Variants in RFX3 observed in about 807,000 individuals in gnomAD.
RFX3 encodes the protein transcription factor RFX3.
A neutral mutation model predicts 98.6 loss-of-function variants in RFX3; 14 were observed. The observed-to-expected ratio is 0.14, with a 90% CI of 0.09 to 0.22. The LOEUF (loss-of-function observed/expected upper bound fraction) is 0.22. Ranked by LOEUF, RFX3 falls within the 10% of genes least tolerant of loss-of-function variation. RFX3 has a pLI of 1.00. For missense variants in RFX3, 639 were observed against 926.9 expected, an observed-to-expected ratio of 0.69 and a Z score of 4.03; for synonymous variants, 383 against 328.4, an observed-to-expected ratio of 1.17 and a Z score of -1.80.
Position 3,297,849 on chromosome 9 carries a change from A to C in RFX3, c.549+3697T>G, listed in dbSNP as rs115493872. Among the ~76,000 whole-genome samples, 1,391 of 151,996 alleles carry C rather than the reference A, an allele frequency of 9.2e-3. 20 individuals carry two copies. The highest frequency in any genetic ancestry group is 0.032 in the African/African-American group (1,326 of 41,520). On this transcript the variant is annotated intron_variant, in intron 5 of 16. Transcript: ENST00000617270. ...AATTTTAAAGAAATGTACAACCTTA[A>C]ATTTCATGCGATTATTGGGAACAAT...
chr9:3,467,165 GTATA>G (rs1346850911), intron 1 of RFX3, among the ~76,000 whole-genome samples: 1 of 119,298 alleles, frequency 8.4e-6, no homozygotes, highest in Non-Finnish European at 1.6e-5. Context: ...ATGTATATAC[GTATA>G]TAATGTATAT....
At chr9:3,388,347 C>T (rs1400494051) in intron 2 of RFX3, among the ~76,000 whole-genome samples, 1 of 152,120 alleles carries the variant, frequency 6.6e-6, no homozygotes, top group Non-Finnish European at 1.5e-5. Context: ...GATTGCCCTT[C>T]TCCTGCAACC....
intron 2 of RFX3, among the ~76,000 whole-genome samples, chr9:3,352,677 C>A (rs992040870): frequency 6.6e-6 from 1 of 151,952 alleles, no homozygotes; most frequent in Non-Finnish European, 1.5e-5. Context: ...GAAAACTTGA[C>A]AAAATATGTA....
chr9:3,469,702 T>G (rs1848603386), intron 1 of RFX3, among the ~76,000 whole-genome samples: 1 of 152,032 alleles, frequency 6.6e-6, no homozygotes, highest in Non-Finnish European at 1.5e-5. Context: ...CAATATAAAT[T>G]CAACCGTACA....
chr9:3,319,997 T>A (rs142015111), intron 4 of RFX3, among the ~76,000 whole-genome samples: 36 of 152,290 alleles, frequency 2.4e-4, no homozygotes, highest in African/African-American at 6.3e-4. Context: ...CTTTCAACAG[T>A]CTAATAAATG....
chr9:3,247,587 A>G lies in RFX3; in HGVS notation c.1968+445T>C, dbSNP rs1820844964. The G allele has an allele frequency of 4.0e-6, 5 of 1,252,030 alleles. No individual in the cohort carries two copies. In the East Asian group the frequency reaches 1.6e-4, roughly 40 times the overall value. The allele number at this position is 1,252,030 out of a possible 1,614,324, so 77.6% of individuals were successfully genotyped here. ...AAGTGTCCAAAAAATGTTAGTTATC[A>G]TCATTACCATTTTTATCCTTCTAAA... On this transcript the variant is annotated intron_variant, in intron 15 of 16. Transcript: ENST00000617270.
At chr9:3,338,704 C>T (rs7861667) in intron 3 of RFX3, among the ~76,000 whole-genome samples, 26,381 of 151,968 alleles carry the variant, frequency 0.17, 2,321 homozygotes, top group Middle Eastern at 0.23. Context: ...ATGCTGCTAG[C>T]CTGGGGAATA....
In RFX3 at chr9:3,466,155, G is replaced by C. The variant is rs531245892; in HGVS notation, c.-9+59592C>G. Among the ~76,000 whole-genome samples the C allele has an allele frequency of 4.6e-5, 7 of 152,254 alleles. No homozygotes were observed. In the East Asian group the frequency reaches 1.3e-3, roughly 29 times the overall value. On this transcript the variant is annotated intron_variant, in intron 1 of 16. Transcript: ENST00000617270. Reference sequence around the variant, plus strand: ...CTTTTTACTCTGTAGCAGGAAAATAGAGTTCTAAAGAACTCATGGCAATTT... The same window carrying C: ...CTTTTTACTCTGTAGCAGGAAAATACAGTTCTAAAGAACTCATGGCAATTT...
intron 4 of RFX3, among the ~76,000 whole-genome samples, chr9:3,325,974 T>C (rs964004067): frequency 6.6e-6 from 1 of 152,166 alleles, no homozygotes; most frequent in East Asian, 1.9e-4. Context: ...TTAATGTCCA[T>C]GTGCTACTGA....
intron 1 of RFX3, among the ~76,000 whole-genome samples, chr9:3,500,725 TAC>T (rs1233774339): frequency 6.6e-6 from 1 of 152,058 alleles, no homozygotes; most frequent in African/African-American, 2.4e-5. Context: ...GCACTACACA[TAC>T]ACACACACTA....
intron 4 of RFX3, among the ~76,000 whole-genome samples, chr9:3,324,939 G>C (rs985529041): frequency 3.9e-5 from 6 of 152,048 alleles, no homozygotes; most frequent in African/African-American, 1.4e-4. Flanking sequence ...ACTCCAGCCT[G>C]GGTGGCAGAG....
chr9:3,249,963 GAATA>G (rs570235612), intron 14 of RFX3, among the ~76,000 whole-genome samples: 5 of 151,852 alleles, frequency 3.3e-5, no homozygotes, highest in African/African-American at 4.8e-5. Context: ...AAAAATAAAT[GAATA>G]CTTTCATTTG....
chr9:3,222,387 G>A lies in RFX3; in HGVS notation c.*2655C>T, dbSNP rs1429667921. On this transcript the variant is annotated 3_prime_UTR_variant, in exon 17 of 17. Coordinates refer to ENST00000617270, the MANE Select transcript of RFX3 (RefSeq NM_001282116.2). ...TAGAACAAACCATGAACAATTGGAA[G>A]AAATGTTGAATCCTGGAGCATCCCC... 6.6e-6 allele frequency: 1 copy of A among 152,120 alleles called. No individual in the cohort carries two copies. The highest frequency in any genetic ancestry group is 1.5e-5 in the Non-Finnish European group (1 of 67,994). The allele number at this position is 152,120 out of a possible 1,614,324, so 9.4% of individuals were successfully genotyped here.
intron 2 of RFX3, among the ~76,000 whole-genome samples, chr9:3,359,122 A>C (rs1836120631): frequency 6.6e-6 from 1 of 151,958 alleles, no homozygotes; most frequent in African/African-American, 2.4e-5. Context: ...GAAAGTAAGA[A>C]ATGGAATTGG....
chr9:3,229,873 A>G (rs1170479115), intron 15 of RFX3, among the ~76,000 whole-genome samples: 1 of 152,180 alleles, frequency 6.6e-6, no homozygotes, highest in Non-Finnish European at 1.5e-5. Context: ...AAAGTAATAA[A>G]ACTGATCTTA....
At chr9:3,443,344 C>T (rs1845762836) in intron 1 of RFX3, among the ~76,000 whole-genome samples, 1 of 152,116 alleles carries the variant, frequency 6.6e-6, no homozygotes, top group South Asian at 2.1e-4. Flanking sequence ...TTCCTGATGC[C>T]CTGCCTCCTA....
intron 4 of RFX3, among the ~76,000 whole-genome samples, chr9:3,312,976 C>T (rs1830140490): frequency 6.6e-6 from 1 of 152,220 alleles, no homozygotes; most frequent in Non-Finnish European, 1.5e-5. Context: ...GAAACTTCTG[C>T]AGACTTAAAT....
intron 2 of RFX3, among the ~76,000 whole-genome samples, chr9:3,379,040 G>C (rs542653719): frequency 2.8e-4 from 43 of 152,286 alleles, no homozygotes; most frequent in Admixed American, 2.7e-3. Flanking sequence ...AGGCAACTCA[G>C]TCATAACCTA....
At chr9:3,441,385 C>T (rs577072329) in intron 1 of RFX3, among the ~76,000 whole-genome samples, 8 of 151,968 alleles carry the variant, frequency 5.3e-5, no homozygotes, top group Non-Finnish European at 1.2e-4. Flanking sequence ...GCCAAGCAAA[C>T]CTAGACACAG....
Sources: allele counts gnomAD v4.1 joint callset (sites outside exome capture counted in the v4.1 genomes callset), GRCh38; gene constraint gnomAD v4.1.1; transcripts MANE v1.5; gene names NCBI Gene and HGNC (gene_info 2026-07-23, HGNC 2026-07-21).